The following NELFB variants were observed in gnomAD, a reference collection of about 807,000 sequenced individuals.
NELFB encodes the protein negative elongation factor B.
In NELFB, 34 loss-of-function variants were observed where a neutral mutation model predicts 60.2. The ratio of observed to expected loss-of-function variants is 0.56; its 90% CI spans 0.43 to 0.75. The LOEUF is 0.75. Among genes scored for constraint, NELFB ranks in the 30% least tolerant of loss-of-function variants. The pLI, the probability that NELFB is intolerant of heterozygous loss-of-function variation, is 0.00. For missense variants in NELFB, 770 were observed against 831.6 expected (o/e 0.93, Z 0.91); for synonymous variants, 459 against 382.1 (o/e 1.20, Z -2.35).
chr9:137,271,372 C>T (rs1274026493), intron 10 of NELFB, among the ~76,000 whole-genome samples: 1 of 152,266 alleles, frequency 6.6e-6, no homozygotes, highest in Non-Finnish European at 1.5e-5. Context: ...CTCAACCTGT[C>T]CGCACACGTC....
chr9:137,262,391 T>TG (rs1830459788), intron 4 of NELFB, among the ~76,000 whole-genome samples: 1 of 152,318 alleles, frequency 6.6e-6, no homozygotes, highest in Admixed American at 6.5e-5. Flanking sequence ...AGCCCTCTGG[T>TG]GGCCCTGTCC....
chr9:137,256,793 C>A, intron 3 of NELFB, 31 bp from the exon 4 acceptor site: 2 of 1,599,436 alleles, frequency 1.3e-6, no homozygotes, highest in Non-Finnish European at 8.6e-7. Context: ...GACACAGGTG[C>A]CACTCACAGG....
chr9:137,264,167 T>C, intron 5 of NELFB, 78 bp from the exon 6 acceptor site: 2 of 1,101,450 alleles, frequency 1.8e-6, no homozygotes, highest in Non-Finnish European at 1.3e-6. Context: ...GGCCAGGGCC[T>C]GGAGCTGTGT....
rs746030742 is a variant in NELFB at position 137,265,867 on chromosome 9, C to G, written c.1041-10C>G. 1 of 1,603,576 alleles carries G rather than the reference C, an allele frequency of 6.2e-7. No homozygotes were observed. Among genetic ancestry groups the G allele is most frequent in the Non-Finnish European group, 8.5e-7 (1 of 1,171,226 alleles). ...GGCGTCGCATTAATGCCAGGGCGGC[C>G]TCCTTCCAGGGACCTGTCCATGATC... On this transcript the variant is annotated splice_polypyrimidine_tract_variant and intron_variant, in intron 6 of 12. Coordinates refer to ENST00000343053, the MANE Select transcript of NELFB (RefSeq NM_015456.5).
At chr9:137,256,459 G>A (rs1837553068) in intron 3 of NELFB, 31 bp downstream of exon 3, 1 of 1,590,420 alleles carries the variant, frequency 6.3e-7, no homozygotes, top group Non-Finnish European at 8.6e-7. Flanking sequence ...CTGATGGCGT[G>A]GACCGTCCGC....
chr9:137,260,890 C>G (rs1426810029), intron 4 of NELFB, among the ~76,000 whole-genome samples: 3 of 149,788 alleles, frequency 2.0e-5, no homozygotes, highest in Non-Finnish European at 4.4e-5. Context: ...AAAAACCCAT[C>G]TCTACTAAAA....
In NELFB at chr9:137,272,309, G is replaced by A; in HGVS notation, c.1631+87G>A. The A allele has an allele frequency of 1.2e-5, 19 of 1,571,634 alleles. 1 individual carries two copies. Among genetic ancestry groups the A allele is most frequent in the Non-Finnish European group, 1.6e-5 (19 of 1,154,098 alleles). On this transcript the variant is annotated intron_variant, in intron 11 of 12. Coordinates refer to ENST00000343053, the MANE Select transcript of NELFB (RefSeq NM_015456.5). ...GAGAGGTGGCTGCTGTCCCCAGCCT[G>A]GGGCGGAGGGTCCGCAGGTGGGTCT...
At chr9:137,267,399 A>G in intron 10 of NELFB, 53 bp downstream of exon 10, 2 of 1,510,840 alleles carry the variant, frequency 1.3e-6, no homozygotes, top group South Asian at 2.4e-5. Flanking sequence ...CAGCTGCCGT[A>G]TGCAGTCCTG....
At chr9:137,266,306 G>A (rs912211982) in intron 7 of NELFB, 25 bp from the exon 8 acceptor site, 1 of 1,600,050 alleles carries the variant, frequency 6.2e-7, no homozygotes, top group African/African-American at 1.3e-5. Flanking sequence ...GCCTGGGAGA[G>A]GCGCTGAGCC....
intron 4 of NELFB, among the ~76,000 whole-genome samples, chr9:137,257,836 TCTCA>T (rs1837580960): frequency 6.6e-6 from 1 of 151,418 alleles, no homozygotes; most frequent in Non-Finnish European, 1.5e-5. Context: ...AGAGACAGGG[TCTCA>T]CTCTGTTGCA....
At position 137,273,215 on chromosome 9, in the gene NELFB, T is replaced by G. The variant is rs1240156030; in HGVS notation, c.*287T>G. On this transcript the variant is annotated 3_prime_UTR_variant, in exon 13 of 13. Transcript: ENST00000343053. ...CTGTGTTAGGAAAAAACCACCTGTT[T>G]TCCAAGGGGAGAGGGCGGGGCCTGA... 2.8e-6 allele frequency: 1 copy of G among 362,752 alleles called. No individual in the cohort carries two copies. The highest frequency in any genetic ancestry group is 5.0e-6 in the Non-Finnish European group (1 of 201,644). The allele number at this position is 362,752 out of a possible 1,614,324, so 22.5% of individuals were successfully genotyped here.
chr9:137,267,577 C>T (rs1830537134), intron 10 of NELFB, among the ~76,000 whole-genome samples: 1 of 150,996 alleles, frequency 6.6e-6, no homozygotes, highest in South Asian at 2.1e-4. Flanking sequence ...ACTGCAGCCT[C>T]TGCCTCCTAG....
chr9:137,272,037 G>GGGCA, intron 10 of NELFB, 44 bp from the exon 11 acceptor site: 1 of 1,611,960 alleles, frequency 6.2e-7, no homozygotes, highest in African/African-American at 1.3e-5. Context: ...CCTCTGGGGT[G>GGGCA]GGCAGGGTGA....
intron 6 of NELFB, 134 bp downstream of exon 6, chr9:137,264,491 A>G: frequency 2.9e-6 from 2 of 682,066 alleles, no homozygotes; most frequent in Admixed American, 5.3e-5. Flanking sequence ...TTCGAGACAG[A>G]GTCTCGTTCT....
At position 137,267,004 on chromosome 9, in the gene NELFB, A is replaced by T; in HGVS notation, c.1300A>T (p.Thr434Ser). 1 of 1,614,016 alleles carries T rather than the reference A, an allele frequency of 6.2e-7. No individual in the cohort carries two copies. The highest frequency in any genetic ancestry group is 8.5e-7 in the Non-Finnish European group (1 of 1,180,000). ...CATGTCCTTCCTGGTGGATGACTAC[A>T]CTTTCAATGTGGATCAGAAACTTCC... The change falls in exon 9 of 13, where the codon ACT (threonine) becomes TCT (serine). Residue 434 changes from threonine (T) to serine (S), a missense_variant. Physicochemically the swap from Thr to Ser is moderately conservative, Grantham distance 58 (BLOSUM62 1). Transcript: ENST00000343053.
chr9:137,261,359 A>T lies in NELFB; in HGVS notation c.742-1678A>T, dbSNP rs1357130458. 2.4e-5 allele frequency among the ~76,000 whole-genome samples: 3 copies of T among 124,404 alleles called. No individual in the cohort carries two copies. In the East Asian group the frequency reaches 6.8e-4, roughly 28 times the overall value. The allele number at this position is 124,404 out of a possible 152,430, so 81.6% of individuals were successfully genotyped here. On this transcript the variant is annotated intron_variant, in intron 4 of 12. Coordinates refer to ENST00000343053, the MANE Select transcript of NELFB (RefSeq NM_015456.5). ...GGTTTCAAAAAAAAAAAAAAAAAGT[A>T]AAAAAAAAAAAAAACTGGGTCAGGT...
chr9:137,272,331 G>C (rs555658180), intron 11 of NELFB, 109 bp downstream of exon 11: 484 of 1,537,310 alleles, frequency 3.1e-4, no homozygotes, highest in Non-Finnish European at 4.0e-4. Flanking sequence ...CCGCAGGTGG[G>C]TCTGTTGGGC....
At chr9:137,259,397 C>T (rs555955535) in intron 4 of NELFB, among the ~76,000 whole-genome samples, 1 of 152,278 alleles carries the variant, frequency 6.6e-6, no homozygotes, top group South Asian at 2.1e-4. Context: ...GGTGGCAGTG[C>T]CACCTCTGTC....
chr9:137,258,238 C>A (rs115325283), intron 4 of NELFB, among the ~76,000 whole-genome samples: 1,810 of 150,154 alleles, frequency 0.012, 38 homozygotes, highest in African/African-American at 0.042. Context: ...ATCCTCCTAC[C>A]TCAGTCTCCT....
Sources: allele counts gnomAD v4.1 joint callset (sites outside exome capture counted in the v4.1 genomes callset), GRCh38; gene constraint gnomAD v4.1.1; transcripts MANE v1.5; gene names NCBI Gene and HGNC (gene_info 2026-07-23, HGNC 2026-07-21).